The following BIRC2 variants were observed in gnomAD, a reference collection of about 807,000 sequenced individuals.
The protein encoded by BIRC2 is baculoviral IAP repeat containing 2, also known as baculoviral IAP repeat-containing protein 2.
In BIRC2, 18 loss-of-function variants were observed where a neutral mutation model predicts 60.9. The observed-to-expected ratio is 0.30, with a 90% CI of 0.20 to 0.44. The LOEUF (loss-of-function observed/expected upper bound fraction) is 0.44, where lower values mean the gene tolerates loss of function less well. Among genes scored for constraint, BIRC2 ranks in the 20% least tolerant of loss-of-function variants. The pLI is 1.00. For synonymous variants in BIRC2, 282 were observed against 247.7 expected, an observed-to-expected ratio of 1.14 and a Z score of -1.30; for missense variants, 701 against 728.5, an observed-to-expected ratio of 0.96 and a Z score of 0.43.
At position 102,374,417 on chromosome 11, in the gene BIRC2, A is replaced by G. The variant is rs371162615; in HGVS notation, c.1367-3079A>G. On this transcript the variant is annotated intron_variant, in intron 6 of 8. Coordinates refer to ENST00000227758, the MANE Select transcript of BIRC2 (RefSeq NM_001166.5). ...GACCCTCAGCTGCAGGTCTGTTGGA[A>G]TACCCTGCCGTGTGAGGTGTCAGTG... Among the ~76,000 whole-genome samples the G allele has an allele frequency of 5.6e-3, 811 of 145,320 alleles. 6 individuals carry two copies. Among genetic ancestry groups the G allele is most frequent in the African/African-American group, 0.015 (571 of 39,366 alleles).
chr11:102,368,453 A>G lies in BIRC2; in HGVS notation c.1271A>G (p.Tyr424Cys), dbSNP rs1378648118. The change falls in exon 6 of 9, where the codon TAT (tyrosine) becomes TGT (cysteine). Residue 424 changes from tyrosine (Y) to cysteine (C), a missense_variant. Tyr to Cys is a radical substitution (Grantham distance 194). Coordinates refer to ENST00000227758, the MANE Select transcript of BIRC2 (RefSeq NM_001166.5). ...AAAATCCTGACAACTGGAGAGAACT[A>G]TAAAACAGTTAATGATATTGTGTCA... ...QSKILTTGEN[Y>C]KTVNDIVSAL... 7 of 1,613,952 alleles carry G rather than the reference A, an allele frequency of 4.3e-6. No individual in the cohort carries two copies. The highest frequency in any genetic ancestry group is 1.3e-5 in the African/African-American group (1 of 74,928).
In BIRC2 at chr11:102,377,768, ATTATT is replaced by A. The variant is rs1565340657; in HGVS notation, c.1621+22_1621+26del. The A allele has an allele frequency of 1.3e-6, 2 of 1,592,910 alleles. No individual in the cohort carries two copies. Among genetic ancestry groups the A allele is most frequent in the Middle Eastern group, 1.7e-4 (1 of 5,998 alleles). On this transcript the variant is annotated intron_variant, in intron 7 of 8. Coordinates refer to ENST00000227758, the MANE Select transcript of BIRC2 (RefSeq NM_001166.5). ...CTTATTTGGTGAGTTTGTTGGGAAA[ATTATT>A]TTAGAAATTCTTAGGACTGGCCAGA...
At chr11:102,359,327 T>C (rs1481354650) in intron 3 of BIRC2, among the ~76,000 whole-genome samples, 1 of 152,238 alleles carries the variant, frequency 6.6e-6, no homozygotes, top group East Asian at 1.9e-4. Context: ...GCTATAGTTA[T>C]TTTTAATACT....
intron 6 of BIRC2, among the ~76,000 whole-genome samples, chr11:102,368,940 T>G (rs1386197922): frequency 1.3e-5 from 2 of 152,006 alleles, no homozygotes; most frequent in Non-Finnish European, 2.9e-5. Context: ...CAAATCATAT[T>G]TTTAATAGGA....
At chr11:102,357,490 G>C (rs1289822875) in intron 3 of BIRC2, among the ~76,000 whole-genome samples, 2 of 152,004 alleles carry the variant, frequency 1.3e-5, no homozygotes, top group African/African-American at 4.8e-5. Flanking sequence ...AGTCTTTTCA[G>C]ATCTTCTATT....
chr11:102,356,165 C>T (rs369495258), intron 3 of BIRC2, among the ~76,000 whole-genome samples: 3 of 149,430 alleles, frequency 2.0e-5, no homozygotes, highest in East Asian at 1.9e-4. Flanking sequence ...ACCCTTGTCT[C>T]GTTCCTCATG....
Position 102,350,768 on chromosome 11 carries a change from T to G in BIRC2, c.895+19T>G, listed in dbSNP as rs986687891. ...TATGTGGGTAAGAAGCAAATAACTATACATTTTATCATTTTATTTTAATTT... is the reference window on the plus strand; with the variant it reads ...TATGTGGGTAAGAAGCAAATAACTAGACATTTTATCATTTTATTTTAATTT... On this transcript the variant is annotated intron_variant, in intron 2 of 8. Coordinates refer to ENST00000227758, the MANE Select transcript of BIRC2 (RefSeq NM_001166.5). 5 of 1,603,638 alleles carry G rather than the reference T, an allele frequency of 3.1e-6. No individual in the cohort carries two copies. Among genetic ancestry groups the G allele is most frequent in the Non-Finnish European group, 4.3e-6 (5 of 1,176,008 alleles).
intron 6 of BIRC2, among the ~76,000 whole-genome samples, chr11:102,373,662 C>A (rs1031767488): frequency 3.5e-4 from 53 of 150,870 alleles, no homozygotes; most frequent in African/African-American, 1.3e-3. Flanking sequence ...TTGCTCTTCT[C>A]GAGGAGTATC....
intron 6 of BIRC2, among the ~76,000 whole-genome samples, chr11:102,370,158 T>C (rs1270246424): frequency 6.7e-6 from 1 of 149,998 alleles, no homozygotes; most frequent in Non-Finnish European, 1.5e-5. Flanking sequence ...GTGCAGAAGC[T>C]CTTTAGTTGA....
chr11:102,374,543 G>C (rs1239641644), intron 6 of BIRC2, among the ~76,000 whole-genome samples: 1 of 150,916 alleles, frequency 6.6e-6, no homozygotes, highest in Non-Finnish European at 1.5e-5. Flanking sequence ...CTCCAGCTGC[G>C]TGCTGGGAGA....
At position 102,368,396 on chromosome 11, in the gene BIRC2, A is replaced by T; in HGVS notation, c.1214A>T (p.Asn405Ile). The T allele has an allele frequency of 2.5e-6, 4 of 1,614,090 alleles. No individual in the cohort carries two copies. The highest frequency in any genetic ancestry group is 2.5e-6 in the Non-Finnish European group (3 of 1,179,998). ...VVKSALEMGF[N>I]RDLVKQTVQS... ...AAATCTGCCTTGGAAATGGGCTTTA[A>T]TAGAGACCTGGTGAAACAAACAGTT... Residue 405 changes from asparagine to isoleucine, a missense_variant, in exon 6 of 9, where the codon AAT (asparagine) becomes ATT (isoleucine). By Grantham distance (149) the Asn-to-Ile change is moderately radical. Around this residue, in one of 4 missense-constraint regions of BIRC2, gnomAD observed 235 missense variants for 208.9 expected, o/e 1.12. Transcript: ENST00000227758.
At chr11:102,353,277 A>AG (rs1404069264) in intron 3 of BIRC2, among the ~76,000 whole-genome samples, 1 of 152,326 alleles carries the variant, frequency 6.6e-6, no homozygotes, top group Non-Finnish European at 1.5e-5. Flanking sequence ...GAGAAGATGT[A>AG]GGGGCGTGTT....
intron 3 of BIRC2, among the ~76,000 whole-genome samples, chr11:102,353,661 A>G (rs936007333): frequency 1.6e-5 from 2 of 123,612 alleles, no homozygotes; most frequent in African/African-American, 6.2e-5. Context: ...TAAATCCATC[A>G]CCTTATGTAG....
chr11:102,347,434 C>T (rs35407100), intron 1 of BIRC2, 58 bp downstream of exon 1: 1,815 of 142,944 alleles, frequency 0.013, 34 homozygotes, highest in African/African-American at 0.046. Flanking sequence ...CGCGAGGGCC[C>T]GCGGGGGCCC....
rs184011475 is a variant in BIRC2 at position 102,349,577 on chromosome 11, G to A, written c.-278G>A. 1.1e-5 allele frequency: 3 copies of A among 268,424 alleles called. No individual in the cohort carries two copies. Among genetic ancestry groups the A allele is most frequent in the Non-Finnish European group, 2.1e-5 (3 of 142,358 alleles). The allele number at this position is 268,424 out of a possible 1,614,324, so 16.6% of individuals were successfully genotyped here. On this transcript the variant is annotated 5_prime_UTR_variant, in exon 2 of 9. Coordinates refer to ENST00000227758, the MANE Select transcript of BIRC2 (RefSeq NM_001166.5). The stretch of plus-strand genomic sequence containing the variant: ...TTCAGAAGTGCATCCACCTTTCAGG[G>A]CTTTAAGTTAGTATTACTCAAGATT...
chr11:102,375,670 T>G (rs1465239082), intron 6 of BIRC2, among the ~76,000 whole-genome samples: 1 of 151,732 alleles, frequency 6.6e-6, no homozygotes, highest in Non-Finnish European at 1.5e-5. Flanking sequence ...GTCCCAGCTA[T>G]TCGGGAGGCT....
In BIRC2 at chr11:102,348,606, C is replaced by A; in HGVS notation, c.-1249C>A. ...TTGTTTTTTCTTTTCAGATTTACAACCCTGAAGAATCTCCCTATCCCTATT... is the reference window on the plus strand; with the variant it reads ...TTGTTTTTTCTTTTCAGATTTACAAACCTGAAGAATCTCCCTATCCCTATT... On this transcript the variant is annotated 5_prime_UTR_variant, in exon 2 of 9. Coordinates refer to ENST00000227758, the MANE Select transcript of BIRC2 (RefSeq NM_001166.5). 1 of 219,858 alleles carries A rather than the reference C, an allele frequency of 4.5e-6. No individual in the cohort carries two copies. The highest frequency in any genetic ancestry group is 2.4e-5 in the African/African-American group (1 of 42,438). 13.6% of individuals were successfully genotyped at this position (219,858 alleles called of 1,614,324 possible).
chr11:102,351,848 G>C (rs1951366385), intron 3 of BIRC2, among the ~76,000 whole-genome samples: 1 of 152,042 alleles, frequency 6.6e-6, no homozygotes, highest in Admixed American at 6.6e-5. Context: ...CTTGGACGTT[G>C]TTTGTAAAAT....
rs1409896668 is a variant in BIRC2 at position 102,378,210 on chromosome 11, C to T, written c.*27C>T. 3 of 1,501,654 alleles carry T rather than the reference C, an allele frequency of 2.0e-6. No individual in the cohort carries two copies. Among genetic ancestry groups the T allele is most frequent in the Non-Finnish European group, 2.7e-6 (3 of 1,121,396 alleles). 93.0% of individuals were successfully genotyped at this position (1,501,654 alleles called of 1,614,324 possible). ...GAAAAATAGTCTATATTTTAACCTGCATAAAAAGGTCTTTAAAATATTGTT... is the reference window on the plus strand; with the variant it reads ...GAAAAATAGTCTATATTTTAACCTGTATAAAAAGGTCTTTAAAATATTGTT... On this transcript the variant is annotated 3_prime_UTR_variant, in exon 9 of 9. Coordinates refer to ENST00000227758, the MANE Select transcript of BIRC2 (RefSeq NM_001166.5).
Sources: allele counts gnomAD v4.1 joint callset (sites outside exome capture counted in the v4.1 genomes callset), GRCh38; gene constraint gnomAD v4.1.1; regional missense constraint gnomAD v4.1.1; transcripts MANE v1.5; gene names NCBI Gene and HGNC (gene_info 2026-07-23, HGNC 2026-07-21).